SDK1: variants seen among roughly 807,000 people sequenced by gnomAD.
SDK1 encodes the protein sidekick cell adhesion molecule 1, also known as protein sidekick-1.
In SDK1, 157 loss-of-function variants were observed where a neutral mutation model predicts 245.5. That is an observed-to-expected ratio of 0.64 (90% CI 0.56 to 0.73). The LOEUF (loss-of-function observed/expected upper bound fraction) is 0.73. SDK1 is among the 30% of genes least tolerant of loss of function. The pLI is 0.00. For missense variants in SDK1, 3,583 were observed against 3,002.3 expected (o/e 1.19, Z -4.52); for synonymous variants, 1,647 against 1,278.5 (o/e 1.29, Z -6.15).
At chr7:4,085,219 G>C (rs1414856892) in intron 22 of SDK1, among the ~76,000 whole-genome samples, 2 of 152,094 alleles carry the variant, frequency 1.3e-5, no homozygotes, top group African/African-American at 4.8e-5. Flanking sequence ...AAAACTTTAT[G>C]TTAAAACACA....
At chr7:3,903,037 C>A (rs1204283501) in intron 5 of SDK1, among the ~76,000 whole-genome samples, 3 of 152,026 alleles carry the variant, frequency 2.0e-5, no homozygotes, top group Non-Finnish European at 2.9e-5. Flanking sequence ...AAATGCTTAA[C>A]ATAATTAGCC....
At chr7:3,782,248 G>GC (rs1489870229) in intron 4 of SDK1, among the ~76,000 whole-genome samples, 2 of 152,164 alleles carry the variant, frequency 1.3e-5, no homozygotes, top group African/African-American at 2.4e-5. Context: ...CATCGCTAGA[G>GC]CAGGAACAAG....
chr7:3,764,740 C>T (rs998025698), intron 4 of SDK1, among the ~76,000 whole-genome samples: 44 of 151,546 alleles, frequency 2.9e-4, no homozygotes, highest in Non-Finnish European at 7.4e-5. Flanking sequence ...TAAAAAAAAT[C>T]AATATAATAT....
intron 13 of SDK1, among the ~76,000 whole-genome samples, chr7:3,979,283 C>A (rs1783210566): frequency 6.6e-6 from 1 of 152,194 alleles, no homozygotes; most frequent in Non-Finnish European, 1.5e-5. Context: ...GAGGGATGCT[C>A]TAAGTCCTAG....
intron 44 of SDK1, among the ~76,000 whole-genome samples, chr7:4,260,436 G>T (rs1163724908): frequency 2.1e-5 from 3 of 140,776 alleles, no homozygotes; most frequent in Non-Finnish European, 3.1e-5. Context: ...ATCGTCACCT[G>T]ATGGAGAAGC....
intron 1 of SDK1, among the ~76,000 whole-genome samples, chr7:3,506,302 C>T (rs1583968694): frequency 6.6e-6 from 1 of 152,034 alleles, no homozygotes; most frequent in Admixed American, 6.6e-5. Flanking sequence ...AGATGTTCTT[C>T]TATTGTCTTC....
chr7:3,888,387 C>T (rs1781384488), intron 5 of SDK1, among the ~76,000 whole-genome samples: 1 of 152,210 alleles, frequency 6.6e-6, no homozygotes, highest in African/African-American at 2.4e-5. Context: ...GAGAGCAAAG[C>T]AGGACATGAA....
At position 4,026,890 on chromosome 7, in the gene SDK1, C is replaced by T. The variant is rs1039995411; in HGVS notation, c.2602+9538C>T. Among the ~76,000 whole-genome samples the T allele has an allele frequency of 2.6e-5, 4 of 152,194 alleles. No homozygotes were observed. Among genetic ancestry groups the T allele is most frequent in the African/African-American group, 9.7e-5 (4 of 41,448 alleles). ...TGACTCTACCAGGTAACGAACTCAC[C>T]GCTCCCTGGTTTCAAAGGCGTATAC... is the stretch of plus-strand genomic sequence containing the variant. On this transcript the variant is annotated intron_variant, in intron 17 of 44. Coordinates refer to ENST00000404826, the MANE Select transcript of SDK1 (RefSeq NM_152744.4). This position sits in a 1 kb window ranked among gnomAD's most constrained non-coding sequence, Gnocchi z 4.1.
intron 5 of SDK1, among the ~76,000 whole-genome samples, chr7:3,883,999 G>A (rs548832768): frequency 8.8e-4 from 134 of 152,122 alleles, no homozygotes; most frequent in Non-Finnish European, 1.4e-3. Flanking sequence ...ACCCCCTTAG[G>A]AAGATATTTA....
intron 1 of SDK1, among the ~76,000 whole-genome samples, chr7:3,535,209 G>A (rs1200335453): frequency 6.6e-6 from 1 of 152,160 alleles, no homozygotes; most frequent in Non-Finnish European, 1.5e-5. Context: ...CCAGGAGGCG[G>A]AGGTTGGAGT....
At chr7:3,792,244 G>C (rs1462076058) in intron 4 of SDK1, among the ~76,000 whole-genome samples, 2 of 152,022 alleles carry the variant, frequency 1.3e-5, no homozygotes, top group African/African-American at 2.4e-5. Flanking sequence ...AAAATGTCCA[G>C]ATCCTGACCT....
At chr7:3,843,353 T>C (rs569937599) in intron 5 of SDK1, among the ~76,000 whole-genome samples, 1 of 152,324 alleles carries the variant, frequency 6.6e-6, no homozygotes, top group African/African-American at 2.4e-5. Flanking sequence ...GATTCTCTAT[T>C]TTGTAACTGC....
At chr7:4,224,876 G>A (rs537314624) in intron 40 of SDK1, among the ~76,000 whole-genome samples, 138 of 150,208 alleles carry the variant, frequency 9.2e-4, no homozygotes, top group African/African-American at 2.9e-3. Context: ...CCAGCTACTC[G>A]GGAAGCTGAG....
At chr7:3,658,888 G>C (rs1396241359) in intron 4 of SDK1, among the ~76,000 whole-genome samples, 5 of 152,094 alleles carry the variant, frequency 3.3e-5, no homozygotes, top group Non-Finnish European at 7.4e-5. Context: ...AAAGTGCTGG[G>C]ATTACAGGTG....
intron 5 of SDK1, among the ~76,000 whole-genome samples, chr7:3,841,315 G>A (rs1022887419): frequency 1.3e-5 from 2 of 152,168 alleles, no homozygotes; most frequent in African/African-American, 4.8e-5. Context: ...CCAGCAGAAC[G>A]GATGGTGCTG....
Position 3,301,277 on chromosome 7 carries a change from G to GGGCGGCGGCGGC in SDK1, c.-303_-292dup, listed in dbSNP as rs540876108. Among the ~76,000 whole-genome samples, 7 of 145,758 alleles carry GGGCGGCGGCGGC rather than the reference G, an allele frequency of 4.8e-5. No individual in the cohort carries two copies. The South Asian group carries it at 6.3e-4, about 13-fold the overall frequency. On this transcript the variant is annotated 5_prime_UTR_variant, in exon 1 of 45. Coordinates refer to ENST00000404826, the MANE Select transcript of SDK1 (RefSeq NM_152744.4). ...GCACTTTCTTCTCAGCGCCGGGCGG[G>GGGCGGCGGCGGC]GGCGGCGGCGGCGGCGGCTCCTCCG...
chr7:3,655,491 A>G lies in SDK1; in HGVS notation c.713+13386A>G, dbSNP rs1202382522. Among the ~76,000 whole-genome samples the G allele has an allele frequency of 9.7e-3, 640 of 65,858 alleles. 39 individuals are homozygous for G. Among genetic ancestry groups the G allele is most frequent in the African/African-American group, 0.023 (577 of 25,348 alleles). 43.2% of individuals were successfully genotyped at this position (65,858 alleles called of 152,430 possible). On this transcript the variant is annotated intron_variant, in intron 4 of 44. Transcript: ENST00000404826. ...TATATATATATATATATATATATAT[A>G]TATATATATATATGTATGTATGTAT...
intron 5 of SDK1, among the ~76,000 whole-genome samples, chr7:3,834,800 C>T (rs554164892): frequency 8.4e-4 from 128 of 152,136 alleles, no homozygotes; most frequent in Non-Finnish European, 1.4e-3. Context: ...AATAAGGGCT[C>T]AGTAAATACT....
chr7:3,569,634 C>T (rs1780045102), intron 1 of SDK1, among the ~76,000 whole-genome samples: 1 of 152,228 alleles, frequency 6.6e-6, no homozygotes, highest in Non-Finnish European at 1.5e-5. Context: ...ACGTGATCTA[C>T]AGAAGTGCTC....
Sources: allele counts gnomAD v4.1 joint callset (sites outside exome capture counted in the v4.1 genomes callset), GRCh38; gene constraint gnomAD v4.1.1; non-coding constraint Gnocchi (gnomAD v3.1); transcripts MANE v1.5; gene names NCBI Gene and HGNC (gene_info 2026-07-23, HGNC 2026-07-21).